The following PIGL variants were observed in gnomAD, a reference collection of about 807,000 sequenced individuals.
PIGL encodes N-acetylglucosaminyl-phosphatidylinositol de-N-acetylase.
PIGL carries 22 observed loss-of-function variants against 31.1 expected under a neutral mutation model. That is an observed-to-expected ratio of 0.71 (90% CI 0.51 to 1.01). The LOEUF is 1.01. Ranked by LOEUF, PIGL falls within the 50% of genes least tolerant of loss-of-function variation. The probability of loss-of-function intolerance (pLI) is 0.00; values close to 1 mark genes in which losing one functional copy is unlikely to be tolerated. For missense variants in PIGL, 302 were observed against 315.9 expected (o/e 0.96, Z 0.33); for synonymous variants, 131 against 117.4 (o/e 1.12, Z -0.75).
At position 16,280,869 on chromosome 17, in the gene PIGL, T is replaced by C. The variant is rs368596393; in HGVS notation, c.336-19019T>C. 3.9e-5 allele frequency among the ~76,000 whole-genome samples: 6 copies of C among 152,314 alleles called. No individual in the cohort carries two copies. In the East Asian group the frequency reaches 9.6e-4, roughly 24 times the overall value. ...ACAGATGCCTGCCACTACGCCTGGC[T>C]AATTTTTGTAGTTTTAGTAGAGATG... is the stretch of plus-strand genomic sequence containing the variant. On this transcript the variant is annotated intron_variant, in intron 2 of 6. Coordinates refer to ENST00000225609, the MANE Select transcript of PIGL (RefSeq NM_004278.4).
chr17:16,318,279 T>C (rs948092531), intron 6 of PIGL, among the ~76,000 whole-genome samples: 4 of 151,968 alleles, frequency 2.6e-5, no homozygotes, highest in Non-Finnish European at 5.9e-5. Context: ...CTACTCTTTT[T>C]TTTTTTTTGA....
intron 2 of PIGL, among the ~76,000 whole-genome samples, chr17:16,251,230 A>T (rs1271419058): frequency 6.6e-6 from 1 of 152,110 alleles, no homozygotes; most frequent in Non-Finnish European, 1.5e-5. Flanking sequence ...TTTCAAGACC[A>T]GCCTGGGCAA....
At chr17:16,273,661 T>C (rs2092881719) in intron 2 of PIGL, among the ~76,000 whole-genome samples, 1 of 152,044 alleles carries the variant, frequency 6.6e-6, no homozygotes, top group Non-Finnish European at 1.5e-5. Flanking sequence ...GAGGTAGCTA[T>C]TCTAAGGCTT....
intron 2 of PIGL, among the ~76,000 whole-genome samples, chr17:16,237,399 C>T (rs1272801683): frequency 6.6e-6 from 1 of 151,286 alleles, no homozygotes; most frequent in African/African-American, 2.4e-5. Context: ...TGAGCCACTG[C>T]GCCTGGCCTA....
Position 16,289,687 on chromosome 17 carries a change from A to T in PIGL, c.336-10201A>T, listed in dbSNP as rs371970521. On this transcript the variant is annotated intron_variant, in intron 2 of 6. Coordinates refer to ENST00000225609, the MANE Select transcript of PIGL (RefSeq NM_004278.4). ...TGGATTTGAAAAGTCATAAGTAGCA[A>T]GGGAATTGCGCCAGAATACCTGTCT... is the stretch of plus-strand genomic sequence containing the variant. 8.5e-5 allele frequency among the ~76,000 whole-genome samples: 13 copies of T among 152,380 alleles called. No homozygotes were observed. In the East Asian group the frequency reaches 2.1e-3, roughly 25 times the overall value.
At chr17:16,291,522 A>AAAAAGG (rs1365549640) in intron 2 of PIGL, among the ~76,000 whole-genome samples, 1 of 63,498 alleles carries the variant, frequency 1.6e-5, no homozygotes, top group Non-Finnish European at 4.9e-5. Context: ...AAAAAAAAAA[A>AAAAAGG]AAGAAAGAAA....
chr17:16,264,484 G>T (rs2092833158), intron 2 of PIGL, among the ~76,000 whole-genome samples: 2 of 152,060 alleles, frequency 1.3e-5, no homozygotes, highest in African/African-American at 2.4e-5. Context: ...CAGATTAGCT[G>T]CTCTAGAAAA....
chr17:16,261,027 G>A (rs999919679), intron 2 of PIGL, among the ~76,000 whole-genome samples: 1 of 151,590 alleles, frequency 6.6e-6, no homozygotes, highest in African/African-American at 2.4e-5. Flanking sequence ...TCTGAGGCAG[G>A]AGAATTGCTT....
At chr17:16,270,221 G>A (rs186212852) in intron 2 of PIGL, among the ~76,000 whole-genome samples, 12 of 151,612 alleles carry the variant, frequency 7.9e-5, no homozygotes, top group East Asian at 3.9e-4. Context: ...CCCAGGAGGC[G>A]GAGGTTGCAG....
rs568057559 is a variant in PIGL, at chr17:16,245,781, T to C, written c.335+11711T>C. Among the ~76,000 whole-genome samples, 460 of 136,624 alleles carry C rather than the reference T, an allele frequency of 3.4e-3. 4 individuals carry two copies. The highest frequency in any genetic ancestry group is 0.011 in the Middle Eastern group (3 of 262). 89.6% of individuals were successfully genotyped at this position (136,624 alleles called of 152,430 possible). On this transcript the variant is annotated intron_variant, in intron 2 of 6. Coordinates refer to ENST00000225609, the MANE Select transcript of PIGL (RefSeq NM_004278.4). ...ATATATATATACATACACACACACATATATATATATATACACACACACACA... is the reference window on the plus strand; with the variant it reads ...ATATATATATACATACACACACACACATATATATATATACACACACACACA...
chr17:16,225,975 T>C (rs1364338176), intron 1 of PIGL, among the ~76,000 whole-genome samples: 1 of 150,566 alleles, frequency 6.6e-6, no homozygotes, highest in African/African-American at 2.4e-5. Flanking sequence ...AACCCAAGAG[T>C]TCAGCCTGGG....
At chr17:16,282,920 G>A (rs1241296548) in intron 2 of PIGL, among the ~76,000 whole-genome samples, 1 of 152,056 alleles carries the variant, frequency 6.6e-6, no homozygotes, top group East Asian at 1.9e-4. Context: ...AGCACTTTGG[G>A]AAGCTGAAGC....
At chr17:16,322,268 A>G (rs2093109373) in intron 6 of PIGL, among the ~76,000 whole-genome samples, 1 of 151,174 alleles carries the variant, frequency 6.6e-6, no homozygotes, top group African/African-American at 2.4e-5. Flanking sequence ...TAATTTTTGT[A>G]TTTTTAGTAG....
At chr17:16,289,593 T>C (rs1197861176) in intron 2 of PIGL, among the ~76,000 whole-genome samples, 2 of 152,174 alleles carry the variant, frequency 1.3e-5, no homozygotes, top group Non-Finnish European at 2.9e-5. Context: ...TTGCTTAAAA[T>C]GAAAGGAAGT....
In PIGL at chr17:16,220,359, T is replaced by G. The variant is rs78919724; in HGVS notation, c.235+2898T>G. 8.6e-3 allele frequency among the ~76,000 whole-genome samples: 1,303 copies of G among 151,674 alleles called. 13 individuals are homozygous for G. Among genetic ancestry groups the G allele is most frequent in the African/African-American group, 0.028 (1,157 of 41,416 alleles). On this transcript the variant is annotated intron_variant, in intron 1 of 6. Coordinates refer to ENST00000225609, the MANE Select transcript of PIGL (RefSeq NM_004278.4). ...GAGACTCCGTCTCAAAAAATATATA[T>G]AGAGAGAGAGAGCATGCACTTGGCA...
intron 2 of PIGL, among the ~76,000 whole-genome samples, chr17:16,253,297 A>G (rs1184605993): frequency 6.6e-6 from 1 of 152,092 alleles, no homozygotes; most frequent in Non-Finnish European, 1.5e-5. Flanking sequence ...ACGTAAAACA[A>G]ACAAGATCCC....
chr17:16,291,372 T>C (rs1264197072), intron 2 of PIGL, among the ~76,000 whole-genome samples: 3 of 149,340 alleles, frequency 2.0e-5, no homozygotes, highest in Admixed American at 2.0e-4. Flanking sequence ...TCGAGCGTGG[T>C]GGCGGGCACC....
At chr17:16,231,537 G>T (rs1355233860) in intron 1 of PIGL, among the ~76,000 whole-genome samples, 1 of 151,878 alleles carries the variant, frequency 6.6e-6, no homozygotes, top group African/African-American at 2.4e-5. Flanking sequence ...ACTATGCCCA[G>T]CTTTGATTTT....
chr17:16,278,493 T>A (rs1478796259), intron 2 of PIGL, among the ~76,000 whole-genome samples: 4 of 152,228 alleles, frequency 2.6e-5, no homozygotes, highest in South Asian at 4.1e-4. Flanking sequence ...TTACAATTTT[T>A]GTTAAAGAGC....
Sources: gnomAD v4.1 joint callset for allele counts (sites outside exome capture counted in the v4.1 genomes callset) on GRCh38, gnomAD v4.1.1 for gene constraint, MANE v1.5 for transcripts, NCBI Gene and HGNC (gene_info 2026-07-23, HGNC 2026-07-21) for gene names.